The following MARCO variants were observed in gnomAD, a reference collection of about 807,000 sequenced individuals.
MARCO encodes the protein macrophage receptor MARCO.
In MARCO, 72 loss-of-function variants were observed where a neutral mutation model predicts 70.0. The observed-to-expected ratio is 1.03, with a 90% CI of 0.85 to 1.25. The LOEUF is 1.25. Among genes scored for constraint, MARCO ranks in the 50% most tolerant of loss-of-function variants. The pLI is 0.00. For synonymous variants in MARCO, 273 were observed against 243.1 expected, an observed-to-expected ratio of 1.12 and a Z score of -1.14; for missense variants, 696 against 659.3, an observed-to-expected ratio of 1.06 and a Z score of -0.61.
intron 1 of MARCO, among the ~76,000 whole-genome samples, chr2:118,965,272 G>A (rs879398072): frequency 5.9e-5 from 9 of 152,110 alleles, no homozygotes; most frequent in Admixed American, 3.3e-4. Context: ...TTTTTCAGAC[G>A]TGTAATTTCT....
chr2:118,970,229 C>A lies in MARCO; in HGVS notation c.315C>A (p.His105Gln). The A allele has an allele frequency of 1.9e-6, 3 of 1,614,070 alleles. No homozygotes were observed. Among genetic ancestry groups the A allele is most frequent in the Non-Finnish European group, 2.5e-6 (3 of 1,179,974 alleles). ...SLLQSAHPGE[H>Q]LAQGASRLQV... ...TGCAGTCAGCACACCCTGGAGAACA[C>A]CTGGCTCAGGGTGCATCGAGGCTGC... Residue 105 changes from histidine (H) to glutamine (Q), a missense_variant, in exon 3 of 17, where the codon CAC becomes CAA. Physicochemically the swap from His to Gln is conservative, Grantham distance 24. Around this residue, in one of 3 missense-constraint regions of MARCO, gnomAD observed 605 missense variants for 537.6 expected, o/e 1.13. Coordinates refer to ENST00000327097, the MANE Select transcript of MARCO (RefSeq NM_006770.4).
At position 118,967,839 on chromosome 2, in the gene MARCO, G is replaced by A. The variant is rs146068782; in HGVS notation, c.98-1321G>A. ...CTATCACAAAAGCAAACATGGTTGG[G>A]CACACATTCCCTTGGGCTCCTTCAT... On this transcript the variant is annotated intron_variant, in intron 1 of 16. Transcript: ENST00000327097. Among the ~76,000 whole-genome samples the A allele has an allele frequency of 2.9e-3, 436 of 152,294 alleles. 2 individuals carry two copies. The highest frequency in any genetic ancestry group is 9.6e-3 in the African/African-American group (401 of 41,572).
At chr2:118,948,971 G>A (rs1248825945) in intron 1 of MARCO, among the ~76,000 whole-genome samples, 1 of 152,298 alleles carries the variant, frequency 6.6e-6, no homozygotes, top group East Asian at 1.9e-4. Context: ...AATAAGGGTG[G>A]ACTGATGGGT....
intron 1 of MARCO, among the ~76,000 whole-genome samples, chr2:118,965,138 T>G (rs1680021156): frequency 6.6e-6 from 1 of 152,190 alleles, no homozygotes; most frequent in African/African-American, 2.4e-5. Context: ...TCTTTGAATA[T>G]TTTTTAAGCC....
At chr2:118,986,574 G>GA (rs1479310014) in intron 12 of MARCO, among the ~76,000 whole-genome samples, 32 of 94,538 alleles carry the variant, frequency 3.4e-4, no homozygotes, top group South Asian at 7.4e-4. Context: ...GGGAGGGAGG[G>GA]AGGGAAGGAA....
chr2:118,986,652 A>AAGGAAG (rs1680500410), intron 12 of MARCO, among the ~76,000 whole-genome samples: 2 of 48,436 alleles, frequency 4.1e-5, no homozygotes, highest in African/African-American at 2.3e-4. Context: ...AAAGAAAGAA[A>AAGGAAG]GAAGGAAGGA....
In MARCO at chr2:118,973,385, G is replaced by C. The variant is rs200356229; in HGVS notation, c.461-948G>C. 1.5e-4 allele frequency among the ~76,000 whole-genome samples: 22 copies of C among 148,638 alleles called. No individual in the cohort carries two copies. In the East Asian group the frequency reaches 4.4e-3, roughly 30 times the overall value. On this transcript the variant is annotated intron_variant, in intron 4 of 16. Coordinates refer to ENST00000327097, the MANE Select transcript of MARCO (RefSeq NM_006770.4). ...CAGTCTCTCTCTGTCTCTGACTTCT[G>C]TCTCTCTCTCTCTCTCTCTGTCTCT... is the stretch of plus-strand genomic sequence containing the variant.
At chr2:118,957,150 C>A (rs951766584) in intron 1 of MARCO, among the ~76,000 whole-genome samples, 17 of 151,498 alleles carry the variant, frequency 1.1e-4, no homozygotes, top group Non-Finnish European at 1.9e-4. Flanking sequence ...CAGAGCAGAA[C>A]TAAATAAAAT....
chr2:118,985,344 G>C (rs561885193), intron 12 of MARCO, among the ~76,000 whole-genome samples: 3 of 152,216 alleles, frequency 2.0e-5, no homozygotes, highest in African/African-American at 7.2e-5. Context: ...CCATAAATGG[G>C]TAAATCCTGG....
intron 1 of MARCO, among the ~76,000 whole-genome samples, chr2:118,944,146 A>G (rs942825645): frequency 3.3e-5 from 5 of 152,144 alleles, no homozygotes; most frequent in African/African-American, 7.2e-5. Context: ...TAAAAATGTA[A>G]CTAAGCCAGT....
At chr2:118,961,191 A>G (rs1679939731) in intron 1 of MARCO, among the ~76,000 whole-genome samples, 1 of 152,136 alleles carries the variant, frequency 6.6e-6, no homozygotes, top group African/African-American at 2.4e-5. Flanking sequence ...AGAGTGCTGC[A>G]ATGAACATAC....
chr2:118,987,561 G>T (rs1362170848), intron 12 of MARCO, among the ~76,000 whole-genome samples: 1 of 152,176 alleles, frequency 6.6e-6, no homozygotes, highest in Admixed American at 6.5e-5. Flanking sequence ...ATTCAGATGC[G>T]AGAGGGGCTG....
intron 6 of MARCO, among the ~76,000 whole-genome samples, chr2:118,977,126 A>G (rs939286714): frequency 6.6e-6 from 1 of 152,094 alleles, no homozygotes; most frequent in Non-Finnish European, 1.5e-5. Flanking sequence ...TTCATAAGAG[A>G]TCTGTCTTTG....
chr2:118,982,451 G>C, intron 12 of MARCO, 41 bp downstream of exon 12: 1 of 1,577,996 alleles, frequency 6.3e-7, no homozygotes, highest in Non-Finnish European at 8.7e-7. Context: ...GGCTTGCTGG[G>C]TGGCAGGATG....
intron 12 of MARCO, among the ~76,000 whole-genome samples, chr2:118,990,152 T>C (rs1012319691): frequency 1.3e-5 from 2 of 152,230 alleles, no homozygotes; most frequent in African/African-American, 4.8e-5. Flanking sequence ...GAAGAGCATC[T>C]ACTATGCAGG....
chr2:118,990,777 A>T, intron 13 of MARCO, 144 bp downstream of exon 13: 1 of 773,006 alleles, frequency 1.3e-6, no homozygotes, highest in East Asian at 2.6e-5. Context: ...CTGTCACTCA[A>T]GCCTCAGATT....
At chr2:118,948,033 G>C (rs1314878371) in intron 1 of MARCO, among the ~76,000 whole-genome samples, 1 of 152,140 alleles carries the variant, frequency 6.6e-6, no homozygotes, top group Non-Finnish European at 1.5e-5. Context: ...TCAGCATACA[G>C]ATCCTGTACA....
intron 1 of MARCO, among the ~76,000 whole-genome samples, chr2:118,965,181 T>C (rs899500628): frequency 4.1e-4 from 63 of 152,300 alleles, no homozygotes; most frequent in African/African-American, 1.4e-3. Flanking sequence ...ATGATATGAA[T>C]TGTAGGTGTT....
chr2:118,947,015 A>T (rs1032630550), intron 1 of MARCO, among the ~76,000 whole-genome samples: 6 of 151,852 alleles, frequency 4.0e-5, no homozygotes. Flanking sequence ...TGGATCTTTT[A>T]TTTTTTATGG....
Sources: gnomAD v4.1 joint callset for allele counts (sites outside exome capture counted in the v4.1 genomes callset) on GRCh38, gnomAD v4.1.1 for gene constraint, gnomAD v4.1.1 regional missense constraint, MANE v1.5 for transcripts, NCBI Gene and HGNC (gene_info 2026-07-23, HGNC 2026-07-21) for gene names.